The following PCNX2 variants were observed in gnomAD, a reference collection of about 807,000 sequenced individuals.
PCNX2 encodes pecanex 2.
A neutral mutation model predicts 223.8 loss-of-function variants in PCNX2; 168 were observed. That is an observed-to-expected ratio of 0.75 (90% confidence interval 0.66 to 0.85). PCNX2 has a LOEUF of 0.85. PCNX2 is among the 40% of genes least tolerant of loss of function. The pLI is 0.00. For synonymous variants in PCNX2, 1,006 were observed against 1,052.6 expected, an observed-to-expected ratio of 0.96 and a Z score of 0.86; for missense variants, 2,507 against 2,675.5, an observed-to-expected ratio of 0.94 and a Z score of 1.39.
intron 17 of PCNX2, among the ~76,000 whole-genome samples, chr1:233,174,720 G>C (rs1428221688): frequency 6.6e-6 from 1 of 152,094 alleles, no homozygotes; most frequent in Non-Finnish European, 1.5e-5. Context: ...AAAGGGTGTT[G>C]AAAATGACAA....
intron 13 of PCNX2, 115 bp downstream of exon 13, chr1:233,208,403 A>G (rs1572079877): frequency 9.0e-7 from 1 of 1,110,538 alleles, no homozygotes; most frequent in Non-Finnish European, 1.3e-6. Context: ...GCCAAGAGGA[A>G]AGTGCACATC....
chr1:233,254,214 G>C (rs1659604386), intron 5 of PCNX2, among the ~76,000 whole-genome samples: 1 of 152,216 alleles, frequency 6.6e-6, no homozygotes, highest in Non-Finnish European at 1.5e-5. Context: ...CAGCACATCT[G>C]TGAAACTACC....
chr1:233,120,619 C>A (rs548493656), intron 21 of PCNX2, among the ~76,000 whole-genome samples: 1 of 152,160 alleles, frequency 6.6e-6, no homozygotes, highest in Non-Finnish European at 1.5e-5. Flanking sequence ...CCACAACAAC[C>A]TGGATGAATA....
chr1:233,082,289 C>T (rs1673398211), intron 23 of PCNX2, among the ~76,000 whole-genome samples: 1 of 152,118 alleles, frequency 6.6e-6, no homozygotes, highest in African/African-American at 2.4e-5. Context: ...ATTGTTACTG[C>T]TACTACTGCT....
At chr1:233,112,851 G>A in intron 21 of PCNX2, 2 of 1,282,208 alleles carry the variant, frequency 1.6e-6, no homozygotes, top group Non-Finnish European at 1.0e-6. Context: ...TTACTTTGAA[G>A]GCTGAAGGGC....
chr1:233,271,882 T>C (rs1056944676), intron 1 of PCNX2, among the ~76,000 whole-genome samples: 8 of 152,220 alleles, frequency 5.3e-5, no homozygotes, highest in Non-Finnish European at 8.8e-5. Context: ...TATGGCCTTA[T>C]AGCATAGTTT....
At chr1:233,217,973 T>C (rs747309912) in intron 11 of PCNX2, 42 bp from the exon 12 acceptor site, 1 of 1,613,608 alleles carries the variant, frequency 6.2e-7, no homozygotes, top group South Asian at 1.1e-5. Flanking sequence ...CATCTCATGA[T>C]TTCAAGGCTA....
At chr1:233,124,443 T>G (rs1207146977) in intron 21 of PCNX2, among the ~76,000 whole-genome samples, 1 of 152,186 alleles carries the variant, frequency 6.6e-6, no homozygotes, top group Non-Finnish European at 1.5e-5. Flanking sequence ...AAATGGAGCA[T>G]GAGTCAAAAC....
intron 15 of PCNX2, among the ~76,000 whole-genome samples, chr1:233,193,727 G>A (rs555541982): frequency 9.2e-5 from 14 of 152,050 alleles, no homozygotes; most frequent in Non-Finnish European, 1.9e-4. Context: ...GGGTAATTTC[G>A]AAAGAAAAAT....
intron 9 of PCNX2, among the ~76,000 whole-genome samples, chr1:233,228,849 T>C (rs1036081484): frequency 1.3e-5 from 2 of 152,240 alleles, no homozygotes; most frequent in African/African-American, 2.4e-5. Context: ...TGGATTATTC[T>C]AATCCGTATT....
chr1:233,043,997 G>T (rs368792404), intron 25 of PCNX2, among the ~76,000 whole-genome samples: 5 of 151,646 alleles, frequency 3.3e-5, no homozygotes, highest in East Asian at 3.9e-4. Flanking sequence ...ACTTCCACAA[G>T]GGTTGAACTA....
upstream of PCNX2, among the ~76,000 whole-genome samples, chr1:233,298,782 G>A (rs891865771): frequency 2.6e-5 from 4 of 152,086 alleles, no homozygotes; most frequent in African/African-American, 9.7e-5. Context: ...CCAGCTACTA[G>A]GGAGGCTGAG....
chr1:233,251,603 G>A (rs935871047), intron 7 of PCNX2, among the ~76,000 whole-genome samples: 4 of 152,170 alleles, frequency 2.6e-5, no homozygotes, highest in African/African-American at 4.8e-5. Context: ...TTTCATGTAA[G>A]TGCTAATGTT....
At chr1:233,061,739 TTTG>T (rs1672412086) in intron 23 of PCNX2, among the ~76,000 whole-genome samples, 1 of 152,048 alleles carries the variant, frequency 6.6e-6, no homozygotes, top group African/African-American at 2.4e-5. Context: ...TATATTTATT[TTTG>T]TTGTTATTGT....
At chr1:233,141,836 T>C (rs1160789181) in intron 19 of PCNX2, among the ~76,000 whole-genome samples, 1 of 151,642 alleles carries the variant, frequency 6.6e-6, no homozygotes, top group African/African-American at 2.4e-5. Flanking sequence ...AAATCTTACT[T>C]GAAAAGAATT....
the PCNX2 span, among the ~76,000 whole-genome samples, chr1:233,316,409 CTTGT>C: frequency 5.3e-5 from 8 of 151,842 alleles, no homozygotes; most frequent in Non-Finnish European, 8.8e-5. Flanking sequence ...TTTTTTTTCA[CTTGT>C]TTGTTTGTTT....
At chr1:233,248,057 A>C (rs1468033265) in intron 8 of PCNX2, among the ~76,000 whole-genome samples, 1 of 152,170 alleles carries the variant, frequency 6.6e-6, no homozygotes, top group Non-Finnish European at 1.5e-5. Flanking sequence ...GAGCATTCAC[A>C]CATGAGAAAA....
chr1:233,317,655 T>C, the PCNX2 span, among the ~76,000 whole-genome samples: 1 of 151,844 alleles, frequency 6.6e-6, no homozygotes, highest in Non-Finnish European at 1.5e-5. Flanking sequence ...TAGGAAAATA[T>C]ACTAAATGAG....
chr1:233,169,644 C>CAA (rs200439765), intron 17 of PCNX2, among the ~76,000 whole-genome samples: 6 of 68,876 alleles, frequency 8.7e-5, no homozygotes, highest in African/African-American at 1.1e-4. Context: ...AACTCCGTCT[C>CAA]AAAAAAAAAA....
Sources: gnomAD v4.1 joint callset for allele counts (sites outside exome capture counted in the v4.1 genomes callset) on GRCh38, gnomAD v4.1.1 for gene constraint, MANE v1.5 for transcripts, NCBI Gene and HGNC (gene_info 2026-07-23, HGNC 2026-07-21) for gene names.